The following CLIC5 variants were observed in gnomAD, a reference collection of about 807,000 sequenced individuals.
CLIC5 encodes chloride intracellular channel protein 5.
Under a neutral mutation model 24.7 loss-of-function variants are expected in CLIC5, and 20 were observed. That is an observed-to-expected ratio of 0.81 (90% CI 0.57 to 1.18). The LOEUF is 1.18. CLIC5 is among the 50% of genes most tolerant of loss of function. CLIC5 has a pLI of 0.00. For synonymous variants in CLIC5, 159 were observed against 135.6 expected, an observed-to-expected ratio of 1.17 and a Z score of -1.20; for missense variants, 341 against 326.1, an observed-to-expected ratio of 1.05 and a Z score of -0.35.
At chr6:45,957,083 G>A (rs937373438) in intron 1 of CLIC5, among the ~76,000 whole-genome samples, 2 of 152,172 alleles carry the variant, frequency 1.3e-5, no homozygotes, top group African/African-American at 4.8e-5. Context: ...TATGGTGGAA[G>A]TAACAAGAGG....
chr6:45,961,381 G>T (rs911106116), intron 1 of CLIC5, among the ~76,000 whole-genome samples: 1 of 152,194 alleles, frequency 6.6e-6, no homozygotes. Flanking sequence ...ACCCAGAAAG[G>T]TTAAATGAAT....
intron 1 of CLIC5, among the ~76,000 whole-genome samples, chr6:46,003,950 A>G (rs1158723825): frequency 6.6e-6 from 1 of 152,232 alleles, no homozygotes; most frequent in Non-Finnish European, 1.5e-5. Flanking sequence ...ATCACCTGGT[A>G]TATGAGAGGA....
intron 1 of CLIC5, among the ~76,000 whole-genome samples, chr6:45,962,725 G>A (rs1171164033): frequency 6.6e-6 from 1 of 152,218 alleles, no homozygotes; most frequent in African/African-American, 2.4e-5. Context: ...AAAAGAACTT[G>A]TAGGCTCCAG....
Position 46,073,397 on chromosome 6 carries a change from C to T in CLIC5, c.540+6306G>A, listed in dbSNP as rs146721053. Among the ~76,000 whole-genome samples, 151 of 152,194 alleles carry T rather than the reference C, an allele frequency of 9.9e-4. 1 individual carries two copies. The highest frequency in any genetic ancestry group is 3.4e-3 in the African/African-American group (143 of 41,528). On this transcript the variant is annotated intron_variant, in intron 1 of 5. Transcript: ENST00000185206. ...GCATCACACCAGCTAGCTTTTTCCA[C>T]GAAAATTGGTTTATATGAAGCCACA...
At chr6:45,964,581 G>A (rs1764957554) in intron 1 of CLIC5, among the ~76,000 whole-genome samples, 1 of 152,192 alleles carries the variant, frequency 6.6e-6, no homozygotes, top group Admixed American at 6.6e-5. Context: ...GAAGCCCAGA[G>A]CACATGAAGA....
At position 46,015,688 on chromosome 6, in the gene CLIC5, G is replaced by T; in HGVS notation, c.-146C>A. ...TTTTCACAAAACCATCTATTCTCCAGCCCGAGCAGCGGGGTCTGAGAGATC... is the reference window on the plus strand; with the variant it reads ...TTTTCACAAAACCATCTATTCTCCATCCCGAGCAGCGGGGTCTGAGAGATC... On this transcript the variant is annotated 5_prime_UTR_variant, in exon 1 of 6. The change creates a new upstream start codon in the 5' untranslated region. Coordinates refer to ENST00000339561, the MANE Select transcript of CLIC5 (RefSeq NM_016929.5). The T allele has an allele frequency of 1.8e-5, 23 of 1,288,516 alleles. No homozygotes were observed. Among genetic ancestry groups the T allele is most frequent in the Non-Finnish European group, 2.2e-5 (22 of 1,013,236 alleles). 79.8% of individuals were successfully genotyped at this position (1,288,516 alleles called of 1,614,324 possible).
chr6:45,917,296 C>T (rs1170619462), intron 4 of CLIC5, among the ~76,000 whole-genome samples: 2 of 152,180 alleles, frequency 1.3e-5, no homozygotes, highest in Admixed American at 6.5e-5. Context: ...GCAGGGAAAG[C>T]ACCTAATACA....
chr6:46,041,573 T>C (rs1032069392), intron 1 of CLIC5, among the ~76,000 whole-genome samples: 1 of 152,186 alleles, frequency 6.6e-6, no homozygotes, highest in Non-Finnish European at 1.5e-5. Context: ...AAAACAGGGA[T>C]TTTTTTGGTT....
intron 1 of CLIC5, among the ~76,000 whole-genome samples, chr6:45,997,273 A>G (rs1257989570): frequency 2.0e-5 from 3 of 149,022 alleles, no homozygotes; most frequent in Non-Finnish European, 3.0e-5. Context: ...CAAACACCGC[A>G]TATTCTCACT....
intron 5 of CLIC5, among the ~76,000 whole-genome samples, 198 bp downstream of exon 5, chr6:45,914,030 T>G (rs1200067859): frequency 6.6e-6 from 1 of 152,172 alleles, no homozygotes; most frequent in Admixed American, 6.6e-5. Flanking sequence ...TATATGCCTA[T>G]TTTATAAATG....
chr6:45,987,643 C>T (rs377426206), intron 1 of CLIC5, among the ~76,000 whole-genome samples: 8 of 152,124 alleles, frequency 5.3e-5, no homozygotes, highest in Non-Finnish European at 1.0e-4. Context: ...ATCAAGATGC[C>T]GGCTAATTTG....
chr6:46,069,203 C>G (rs78325927), intron 1 of CLIC5, among the ~76,000 whole-genome samples: 1 of 152,194 alleles, frequency 6.6e-6, no homozygotes, highest in East Asian at 1.9e-4. Flanking sequence ...AGCTAAAAGT[C>G]TGAGTATCAT....
At chr6:45,990,466 A>G (rs1451461741) in intron 1 of CLIC5, among the ~76,000 whole-genome samples, 1 of 152,216 alleles carries the variant, frequency 6.6e-6, no homozygotes, top group African/African-American at 2.4e-5. Context: ...CCCAAGTGTG[A>G]TAGAAGGATG....
the CLIC5 span, among the ~76,000 whole-genome samples, chr6:46,087,317 T>C: frequency 0.13 from 20,130 of 152,172 alleles, 1,827 homozygotes; most frequent in South Asian, 0.33. Flanking sequence ...TGGAATCTTC[T>C]TCACTGAAAC....
chr6:46,040,655 G>A lies in CLIC5; in HGVS notation c.540+39048C>T, dbSNP rs147396088. Among the ~76,000 whole-genome samples, 429 of 152,174 alleles carry A rather than the reference G, an allele frequency of 2.8e-3. 1 individual carries two copies. Among genetic ancestry groups the A allele is most frequent in the African/African-American group, 9.1e-3 (377 of 41,498 alleles). ...GTTGGTAGTGATGTTGATGTCGACG[G>A]TAGCTGATAATAGTAATGGTGTTGG... On this transcript the variant is annotated intron_variant, in intron 1 of 5. Transcript: ENST00000185206.
upstream of CLIC5, among the ~76,000 whole-genome samples, chr6:46,081,695 G>T (rs990737021): frequency 6.6e-6 from 1 of 152,116 alleles, no homozygotes; most frequent in African/African-American, 2.4e-5. Context: ...TACAGCTGGT[G>T]AAAACCTAAG....
At chr6:46,037,083 T>TG (rs1323004354) in intron 1 of CLIC5, among the ~76,000 whole-genome samples, 3 of 152,192 alleles carry the variant, frequency 2.0e-5, no homozygotes, top group Admixed American at 6.5e-5. Context: ...ACAGATGCCA[T>TG]GTGTCATTTC....
At chr6:45,911,554 C>T (rs982897553) in intron 5 of CLIC5, 1 of 952,948 alleles carries the variant, frequency 1.0e-6, no homozygotes, top group East Asian at 1.2e-4. Flanking sequence ...TGAAAAGGGT[C>T]TCCAATAAGA....
intron 4 of CLIC5, among the ~76,000 whole-genome samples, chr6:45,922,633 G>A (rs1763307803): frequency 1.3e-5 from 2 of 152,108 alleles, no homozygotes; most frequent in African/African-American, 2.4e-5. Context: ...TTTTCTTAAA[G>A]TATGAAGGGA....
Sources: gnomAD v4.1 joint callset for allele counts (sites outside exome capture counted in the v4.1 genomes callset) on GRCh38, gnomAD v4.1.1 for gene constraint, MANE v1.5 for transcripts, NCBI Gene and HGNC (gene_info 2026-07-23, HGNC 2026-07-21) for gene names.